The following LIPA variants were observed in gnomAD, a reference collection of about 807,000 sequenced individuals.
LIPA encodes lipase A, lysosomal acid type, also known as lysosomal acid lipase/cholesteryl ester hydrolase.
A neutral mutation model predicts 40.6 loss-of-function variants in LIPA; 26 were observed. The ratio of observed to expected loss-of-function variants is 0.64; its 90% CI spans 0.47 to 0.89. LIPA has a LOEUF of 0.89. Ranked by LOEUF, LIPA falls within the 40% of genes least tolerant of loss-of-function variation. LIPA has a pLI of 0.00. For synonymous variants in LIPA, 188 were observed against 168.4 expected, an observed-to-expected ratio of 1.12 and a Z score of -0.90; for missense variants, 455 against 479.6, an observed-to-expected ratio of 0.95 and a Z score of 0.48.
At chr10:89,238,624 T>C (rs1347443118) in intron 3 of LIPA, among the ~76,000 whole-genome samples, 2 of 152,214 alleles carry the variant, frequency 1.3e-5, no homozygotes, top group African/African-American at 2.4e-5. Context: ...ACTCCTCCTC[T>C]TCCTCCTCTT....
chr10:89,290,580 A>C (rs1843368322), intron 1 of LIPA, among the ~76,000 whole-genome samples: 1 of 152,212 alleles, frequency 6.6e-6, no homozygotes, highest in Non-Finnish European at 1.5e-5. Flanking sequence ...GAAGTAACTG[A>C]AGAATCACAA....
At chr10:89,297,564 C>T (rs141985075) in intron 1 of LIPA, among the ~76,000 whole-genome samples, 1 of 152,266 alleles carries the variant, frequency 6.6e-6, no homozygotes, top group Admixed American at 6.5e-5. Flanking sequence ...AGTACTACTC[C>T]CCAGGGAAAG....
At chr10:89,293,329 T>C (rs546295418) in intron 1 of LIPA, among the ~76,000 whole-genome samples, 18 of 152,332 alleles carry the variant, frequency 1.2e-4, no homozygotes, top group Non-Finnish European at 2.4e-4. Context: ...GTAGTATCTT[T>C]CTAGAGTATG....
chr10:89,321,570 C>T (rs1454617623), intron 1 of LIPA, among the ~76,000 whole-genome samples: 1 of 152,172 alleles, frequency 6.6e-6, no homozygotes, highest in East Asian at 1.9e-4. Context: ...TCAGTAACAA[C>T]AGGTGCTAGA....
chr10:89,295,632 A>G (rs1843408963), intron 1 of LIPA, among the ~76,000 whole-genome samples: 1 of 152,196 alleles, frequency 6.6e-6, no homozygotes, highest in Admixed American at 6.5e-5. Context: ...GCATTATACC[A>G]TCTGTAGTTG....
At chr10:89,364,871 A>T (rs1181470543) in intron 2 of LIPA, among the ~76,000 whole-genome samples, 3 of 152,178 alleles carry the variant, frequency 2.0e-5, no homozygotes. Context: ...AGAGTTTTAA[A>T]TTGTTGCAAC....
chr10:89,298,791 G>T (rs1843429575), intron 1 of LIPA, among the ~76,000 whole-genome samples: 1 of 152,030 alleles, frequency 6.6e-6, no homozygotes. Context: ...TTCCAGACCA[G>T]CCTGGCCAAC....
At chr10:89,268,420 A>C (rs1794450843) in intron 1 of LIPA, among the ~76,000 whole-genome samples, 1 of 152,178 alleles carries the variant, frequency 6.6e-6, no homozygotes, top group Non-Finnish European at 1.5e-5. Context: ...TCCTGACAGT[A>C]ATTTTTTTTA....
intron 1 of LIPA, among the ~76,000 whole-genome samples, chr10:89,261,147 G>A (rs988101445): frequency 2.0e-5 from 3 of 152,200 alleles, no homozygotes; most frequent in Non-Finnish European, 4.4e-5. Context: ...AGCTTTCAGT[G>A]CCCTCCTACA....
At chr10:89,299,553 T>C (rs961300171) in intron 1 of LIPA, among the ~76,000 whole-genome samples, 8 of 152,186 alleles carry the variant, frequency 5.3e-5, no homozygotes, top group Admixed American at 4.6e-4. Context: ...TGGCGCATTA[T>C]AGTCAAACTA....
chr10:89,302,599 C>T lies in LIPA; in HGVS notation c.-2+40012G>A, dbSNP rs1843452311. Among the ~76,000 whole-genome samples the T allele has an allele frequency of 2.0e-5, 3 of 152,292 alleles. No individual in the cohort carries two copies. The South Asian group carries it at 6.2e-4, about 32-fold the overall frequency. On this transcript the variant is annotated intron_variant, in intron 1 of 5. Transcript: ENST00000282673. ...ACAGAATAGCAAACCCCACTTCCTG[C>T]AAAGGTGAATTTTACTTTTAATGTA...
chr10:89,386,250 C>A (rs1463477321), intron 2 of LIPA, among the ~76,000 whole-genome samples: 1 of 152,142 alleles, frequency 6.6e-6, no homozygotes, highest in Non-Finnish European at 1.5e-5. Flanking sequence ...TTTACTACTA[C>A]AGGCCATGGA....
At chr10:89,363,484 T>C (rs1844035647) in intron 2 of LIPA, 1 of 152,074 alleles carries the variant, frequency 6.6e-6, no homozygotes, top group Non-Finnish European at 1.5e-5. Flanking sequence ...TGACTAATAT[T>C]AAAAAGAGCT....
At chr10:89,306,624 G>A (rs757639216) in intron 1 of LIPA, 38 of 1,613,946 alleles carry the variant, frequency 2.4e-5, no homozygotes, top group Middle Eastern at 1.6e-4. Context: ...CATAAGATGC[G>A]TGAAGAAGGT....
chr10:89,361,857 C>A (rs1844023724), intron 2 of LIPA, among the ~76,000 whole-genome samples: 1 of 141,212 alleles, frequency 7.1e-6, no homozygotes, highest in African/African-American at 2.7e-5. Flanking sequence ...AAAAATCCAC[C>A]CCCCACCCTC....
At chr10:89,369,916 G>A (rs12256540) in intron 2 of LIPA, among the ~76,000 whole-genome samples, 2,680 of 152,296 alleles carry the variant, frequency 0.018, 36 homozygotes, top group African/African-American at 0.043. Flanking sequence ...GAAAATGTAG[G>A]AAGTTTCTTA....
intron 2 of LIPA, among the ~76,000 whole-genome samples, chr10:89,386,791 C>T (rs147248418): frequency 6.6e-6 from 1 of 152,278 alleles, no homozygotes; most frequent in African/African-American, 2.4e-5. Context: ...AATAAAATTA[C>T]TCAGCTAGTT....
chr10:89,393,311 T>C (rs763760137), intron 2 of LIPA: 8 of 1,287,434 alleles, frequency 6.2e-6, no homozygotes, highest in Non-Finnish European at 8.1e-6. Context: ...GATAAACAGA[T>C]TGCCTCCTCC....
intron 1 of LIPA, chr10:89,328,092 G>A: frequency 6.2e-7 from 1 of 1,613,520 alleles, no homozygotes; most frequent in African/African-American, 1.3e-5. Context: ...AGTGAAATAA[G>A]AATGCATAAT....
Sources: gnomAD v4.1 joint callset for allele counts (sites outside exome capture counted in the v4.1 genomes callset) on GRCh38, gnomAD v4.1.1 for gene constraint, MANE v1.5 for transcripts, NCBI Gene and HGNC (gene_info 2026-07-23, HGNC 2026-07-21) for gene names.